Variants in RECQL observed in about 807,000 individuals in gnomAD.
RECQL encodes the protein RecQ like helicase, also known as ATP-dependent DNA helicase Q1.
Under a neutral mutation model 75.8 loss-of-function variants are expected in RECQL, and 73 were observed. The ratio of observed to expected loss-of-function variants is 0.96; its 90% confidence interval spans 0.80 to 1.17. The LOEUF (loss-of-function observed/expected upper bound fraction) is 1.17, where lower values mean the gene tolerates loss of function less well. Ranked by LOEUF, RECQL falls within the 50% of genes most tolerant of loss-of-function variation. The probability of loss-of-function intolerance (pLI) is 0.00; values close to 1 mark genes in which losing one functional copy is unlikely to be tolerated. For synonymous variants in RECQL, 248 were observed against 254.4 expected, an observed-to-expected ratio of 0.97 and a Z score of 0.24; for missense variants, 699 against 772.1, an observed-to-expected ratio of 0.91 and a Z score of 1.12.
chr12:21,485,057 C>T (rs1943263638), intron 5 of RECQL, among the ~76,000 whole-genome samples: 1 of 151,856 alleles, frequency 6.6e-6, no homozygotes, highest in Non-Finnish European at 1.5e-5. Flanking sequence ...ATGGCTCTCA[C>T]GGTGCCACTC....
intron 5 of RECQL, among the ~76,000 whole-genome samples, chr12:21,484,140 C>T (rs1034404265): frequency 5.3e-5 from 8 of 151,938 alleles, no homozygotes; most frequent in Non-Finnish European, 1.5e-5. Flanking sequence ...TTATTAGATT[C>T]TTAGTACTCA....
Position 21,501,491 on chromosome 12 carries a change from TTGAC to T in RECQL, c.-371_-368del, listed in dbSNP as rs1565579252. On this transcript the variant is annotated 5_prime_UTR_variant, in exon 1 of 15. Transcript: ENST00000444129. ...GAAGCCCGGTCTAACTCTCCGGTGT[TTGAC>T]TGTCCGGTGTCCGACTGTCCTGTGT... 1 of 171,568 alleles carries T rather than the reference TTGAC, an allele frequency of 5.8e-6. No homozygotes were observed. The highest frequency in any genetic ancestry group is 2.4e-5 in the African/African-American group (1 of 41,838). 10.6% of individuals were successfully genotyped at this position (171,568 alleles called of 1,614,324 possible).
intron 6 of RECQL, among the ~76,000 whole-genome samples, chr12:21,482,147 G>C (rs967455753): frequency 2.6e-5 from 4 of 152,050 alleles, no homozygotes; most frequent in African/African-American, 9.7e-5. Context: ...GGACAAAAGA[G>C]CCTGAAGGTG....
chr12:21,474,959 CT>C lies in RECQL; in HGVS notation c.1236del (p.Asp413ThrfsTer14). 1 of 1,612,812 alleles carries C rather than the reference CT, an allele frequency of 6.2e-7. No homozygotes were observed. Among genetic ancestry groups the C allele is most frequent in the Non-Finnish European group, 8.5e-7 (1 of 1,179,104 alleles). On this transcript the variant is annotated frameshift_variant, in exon 11 of 15. Coordinates refer to ENST00000444129, the MANE Select transcript of RECQL (RefSeq NM_002907.4). LOFTEE classifies it high-confidence loss of function. ...SGRAGRDDMK[A>X]DCILYYGFGD... ...CCAAAGCCGTAGTACAAAATACAGT[CT>C]GCTTTCATGTCATCTCGACCTGTGG...
rs1371199597 is a variant in RECQL, at chr12:21,477,012, T to G, written c.868-20A>C. The G allele has an allele frequency of 6.3e-7, 1 of 1,579,282 alleles. No individual in the cohort carries two copies. The highest frequency in any genetic ancestry group is 1.4e-5 in the African/African-American group (1 of 73,774). ...CCGAACCTAAAAAAAACTTAACTTA[T>G]TAAAAAGTAAATGAATGAGTACCAT... On this transcript the variant is annotated intron_variant, in intron 7 of 14. Transcript: ENST00000444129.
intron 6 of RECQL, among the ~76,000 whole-genome samples, 194 bp downstream of exon 6, chr12:21,483,182 T>C (rs148399443): frequency 2.4e-4 from 37 of 152,250 alleles, no homozygotes; most frequent in African/African-American, 8.2e-4. Flanking sequence ...AAATAAGTAA[T>C]ACAGGTTGAT....
Position 21,475,457 on chromosome 12 carries a change from G to C in RECQL, c.1216+11C>G. The C allele has an allele frequency of 6.5e-7, 1 of 1,532,224 alleles. No homozygotes were observed. The highest frequency in any genetic ancestry group is 8.9e-7 in the Non-Finnish European group (1 of 1,117,400). The allele number at this position is 1,532,224 out of a possible 1,614,324, so 94.9% of individuals were successfully genotyped here. The stretch of plus-strand genomic sequence containing the variant: ...TCTAAAAATTTACTTCTGGATTTGA[G>C]TCCTACATACCTGCACGTCCACTCT... On this transcript the variant is annotated intron_variant, in intron 10 of 14. Coordinates refer to ENST00000444129, the MANE Select transcript of RECQL (RefSeq NM_002907.4).
intron 2 of RECQL, among the ~76,000 whole-genome samples, chr12:21,497,075 T>C (rs1943522518): frequency 6.6e-6 from 1 of 152,230 alleles, no homozygotes; most frequent in Non-Finnish European, 1.5e-5. Context: ...GGGTTGCTCC[T>C]GGGTCTTACA....
At chr12:21,470,940 T>C (rs1942935583) in intron 14 of RECQL, 29 bp downstream of exon 14, 5 of 1,424,106 alleles carry the variant, frequency 3.5e-6, no homozygotes, top group Middle Eastern at 3.8e-4. Flanking sequence ...TTTTAAAATA[T>C]ATAAAACTGA....
chr12:21,474,900 C>A lies in RECQL; in HGVS notation c.1296G>T (p.Met432Ile). 1 of 1,613,206 alleles carries A rather than the reference C, an allele frequency of 6.2e-7. No individual in the cohort carries two copies. The highest frequency in any genetic ancestry group is 8.5e-7 in the Non-Finnish European group (1 of 1,179,278). The change falls in exon 11 of 15, where the codon ATG becomes ATT. Residue 432 changes from methionine (M) to isoleucine (I), a missense_variant. By Grantham distance (10) the Met-to-Ile change is conservative (BLOSUM62 1). Transcript: ENST00000444129. ...AAAGCTTCTGCTGTCCCACATTTTC[C>A]ATCACCACCATTGAACTTATTCTGA... Reference protein sequence around the residue: ...DIFRISSMVVMENVGQQKLYE... With the variant: ...DIFRISSMVVIENVGQQKLYE...
intron 4 of RECQL, among the ~76,000 whole-genome samples, chr12:21,487,976 AGC>A (rs1461135324): frequency 6.6e-6 from 1 of 152,228 alleles, no homozygotes; most frequent in Admixed American, 6.5e-5. Context: ...CTGTTACAGC[AGC>A]TGGAATAGAC....
chr12:21,487,470 C>G (rs1458026600), intron 4 of RECQL, among the ~76,000 whole-genome samples: 1 of 152,130 alleles, frequency 6.6e-6, no homozygotes, highest in Non-Finnish European at 1.5e-5. Context: ...AGTACAAAAG[C>G]TATTCTACAG....
At position 21,474,981 on chromosome 12, in the gene RECQL, T is replaced by C. The variant is rs1290179851; in HGVS notation, c.1217-2A>G. On this transcript the variant is annotated splice_acceptor_variant, in intron 10 of 14. Coordinates refer to ENST00000444129, the MANE Select transcript of RECQL (RefSeq NM_002907.4). LOFTEE classifies it high-confidence loss of function. Reference sequence around the variant, plus strand: ...AGTCTGCTTTCATGTCATCTCGACCTGTGGTGTGAGAAACCTTGAGATTGC... The same window carrying C: ...AGTCTGCTTTCATGTCATCTCGACCCGTGGTGTGAGAAACCTTGAGATTGC... The C allele has an allele frequency of 6.2e-7, 1 of 1,610,726 alleles. No homozygotes were observed. The highest frequency in any genetic ancestry group is 8.5e-7 in the Non-Finnish European group (1 of 1,178,070).
In RECQL at chr12:21,480,045, AACAAG is replaced by A. The variant is rs1228293818; in HGVS notation, c.701-2081_701-2077del. On this transcript the variant is annotated intron_variant, in intron 6 of 14. Coordinates refer to ENST00000444129, the MANE Select transcript of RECQL (RefSeq NM_002907.4). ...AATGTGTCTATAATTCAAGCAAAGAAACAAGACAATACAAAGAGTAAACCAATAAA... is the reference window on the plus strand; with the variant it reads ...AATGTGTCTATAATTCAAGCAAAGAAACAATACAAAGAGTAAACCAATAAA... Among the ~76,000 whole-genome samples, 5 of 152,314 alleles carry A rather than the reference AACAAG, an allele frequency of 3.3e-5. No homozygotes were observed. In the East Asian group the frequency reaches 9.7e-4, roughly 29 times the overall value.
At position 21,483,558 on chromosome 12, in the gene RECQL, A is replaced by T. The variant is rs144313838; in HGVS notation, c.518T>A (p.Val173Asp). The change falls in exon 6 of 15, where the codon GTT (valine) becomes GAT (aspartate). Residue 173 changes from valine to aspartate, a missense_variant. Coordinates refer to ENST00000444129, the MANE Select transcript of RECQL (RefSeq NM_002907.4). Reference sequence around the variant, plus strand: ...GTTTTTATTTACCATTTCAGCATGAACCCATTTAACATGCTCCTATTAAAA... The same window carrying T: ...GTTTTTATTTACCATTTCAGCATGATCCCATTTAACATGCTCCTATTAAAA... ...ASSSKEHVKW[V>D]HAEMVNKNSE... 1.5e-4 allele frequency: 231 copies of T among 1,576,312 alleles called. No homozygotes were observed. The highest frequency in any genetic ancestry group is 2.7e-4 in the South Asian group (23 of 83,650).
At position 21,483,563 on chromosome 12, in the gene RECQL, T is replaced by A; in HGVS notation, c.513A>T (p.Lys171Asn). 1 of 1,573,776 alleles carries A rather than the reference T, an allele frequency of 6.4e-7. No individual in the cohort carries two copies. Among genetic ancestry groups the A allele is most frequent in the South Asian group, 1.2e-5 (1 of 83,110 alleles). The part of the protein sequence containing the change: ...LNASSSKEHV[K>N]WVHAEMVNKN... Reference sequence around the variant, plus strand: ...TATTTACCATTTCAGCATGAACCCATTTAACATGCTCCTATTAAAAGAAAA... The same window carrying A: ...TATTTACCATTTCAGCATGAACCCAATTAACATGCTCCTATTAAAAGAAAA... The change falls in exon 6 of 15, where the codon AAA becomes AAT. Residue 171 changes from lysine to asparagine, a missense_variant. Physicochemically the swap from Lys to Asn is moderately conservative, Grantham distance 94. Coordinates refer to ENST00000444129, the MANE Select transcript of RECQL (RefSeq NM_002907.4).
chr12:21,484,284 C>A (rs985442995), intron 5 of RECQL, among the ~76,000 whole-genome samples: 3 of 152,040 alleles, frequency 2.0e-5, no homozygotes, highest in African/African-American at 7.2e-5. Flanking sequence ...ATCATCCCAG[C>A]AAAGAAGCAG....
chr12:21,486,940 T>C (rs1047989987), intron 4 of RECQL, among the ~76,000 whole-genome samples: 10 of 152,182 alleles, frequency 6.6e-5, no homozygotes, highest in African/African-American at 2.4e-4. Flanking sequence ...CCCAAAGTGC[T>C]AGGATTACAG....
intron 5 of RECQL, among the ~76,000 whole-genome samples, chr12:21,486,051 G>A (rs1591984103): frequency 6.6e-6 from 1 of 152,080 alleles, no homozygotes; most frequent in African/African-American, 2.4e-5. Context: ...AAACAGGTCA[G>A]CAAATGTTTC....
Sources: allele counts gnomAD v4.1 joint callset (sites outside exome capture counted in the v4.1 genomes callset), GRCh38; gene constraint gnomAD v4.1.1; transcripts MANE v1.5; gene names NCBI Gene and HGNC (gene_info 2026-07-23, HGNC 2026-07-21).